Variants in FCAR observed in about 807,000 individuals in gnomAD.
FCAR encodes the protein immunoglobulin alpha Fc receptor.
FCAR carries 21 observed loss-of-function variants against 27.1 expected under a neutral mutation model. The observed-to-expected ratio is 0.77, with a 90% confidence interval of 0.55 to 1.11. The LOEUF is 1.11. FCAR is among the 50% of genes most tolerant of loss of function. The pLI is 0.00. For synonymous variants in FCAR, 134 were observed against 135.8 expected, an observed-to-expected ratio of 0.99 and a Z score of 0.09; for missense variants, 404 against 358.4, an observed-to-expected ratio of 1.13 and a Z score of -1.03.
In FCAR at chr19:54,889,964, C is replaced by CTT. The variant is rs374427185; in HGVS notation, c.*114_*115dup. ...AAGCTCACTAAGAAGCTTGAATCTA[C>CTT]TTTTTTTTTTTTTTGAGACAGAGTC... On this transcript the variant is annotated 3_prime_UTR_variant, in exon 5 of 5. Coordinates refer to ENST00000355524, the MANE Select transcript of FCAR (RefSeq NM_002000.4). 836 of 693,912 alleles carry CTT rather than the reference C, an allele frequency of 1.2e-3. No homozygotes were observed. The highest frequency in any genetic ancestry group is 1.5e-3 in the Non-Finnish European group (640 of 428,568). The allele number at this position is 693,912 out of a possible 1,614,324, so 43.0% of individuals were successfully genotyped here.
intron 2 of FCAR, among the ~76,000 whole-genome samples, chr19:54,876,682 A>G (rs587644126): frequency 0.034 from 5,154 of 152,102 alleles, 100 homozygotes; most frequent in Middle Eastern, 0.078. Flanking sequence ...CACTTTGGGA[A>G]GCCAAGGCTT....
In FCAR at chr19:54,874,267, G is replaced by C. The variant is rs774493601; in HGVS notation, c.-23G>C. On this transcript the variant is annotated 5_prime_UTR_variant, in exon 1 of 5. Transcript: ENST00000355524. ...TAATGTGCATTGAAAGGAGAGCAAC[G>C]GGGCTGAGGCCGTGTCAGCACGATG... is the stretch of plus-strand genomic sequence containing the variant. 1.5e-5 allele frequency: 25 copies of C among 1,613,792 alleles called. No individual in the cohort carries two copies. Among genetic ancestry groups the C allele is most frequent in the East Asian group, 2.2e-5 (1 of 44,872 alleles).
chr19:54,886,099 T>A (rs2145914717), intron 3 of FCAR, among the ~76,000 whole-genome samples: 1 of 151,100 alleles, frequency 6.6e-6, no homozygotes, highest in East Asian at 2.0e-4. Flanking sequence ...ATGGAAAAAA[T>A]TGGCCAGGCC....
chr19:54,881,871 A>T (rs995823394), intron 2 of FCAR, among the ~76,000 whole-genome samples: 1 of 143,758 alleles, frequency 7.0e-6, no homozygotes. Flanking sequence ...ACAGAGCGAG[A>T]CTCCGTCTCA....
rs57952503 is a variant in FCAR, at chr19:54,878,874, CTTTT to C, written c.70+3528_70+3531del. Among the ~76,000 whole-genome samples the C allele has an allele frequency of 1.4e-3, 104 of 76,092 alleles. 1 individual carries two copies. Among genetic ancestry groups the C allele is most frequent in the South Asian group, 0.011 (29 of 2,574 alleles). The allele number at this position is 76,092 out of a possible 152,430, so 49.9% of individuals were successfully genotyped here. On this transcript the variant is annotated intron_variant, in intron 2 of 4. Transcript: ENST00000355524. ...ATAGGCAGCATAATGTTGAGTCTTG[CTTTT>C]TTTTTTTTTTTTTTTTTTGAGATGG...
chr19:54,882,542 G>A (rs1350892210), intron 2 of FCAR, among the ~76,000 whole-genome samples: 1 of 151,578 alleles, frequency 6.6e-6, no homozygotes, highest in East Asian at 1.9e-4. Flanking sequence ...GGGTTCAAGC[G>A]ATTCTCCTGT....
chr19:54,876,592 G>T (rs2066101123), intron 2 of FCAR, among the ~76,000 whole-genome samples: 1 of 152,054 alleles, frequency 6.6e-6, no homozygotes, highest in Admixed American at 6.6e-5. Flanking sequence ...TGTGGGGAGG[G>T]TTGTTCTATT....
rs776971511 is a variant in FCAR, at chr19:54,875,316, T to A, written c.35-14T>A. ...AAATGGAAGCTTGATTTTTCATAAATCTCTCTCTTCCAGTGCTCTGTCTGG... is the reference window on the plus strand; with the variant it reads ...AAATGGAAGCTTGATTTTTCATAAAACTCTCTCTTCCAGTGCTCTGTCTGG... On this transcript the variant is annotated splice_polypyrimidine_tract_variant and intron_variant, in intron 1 of 4. Transcript: ENST00000355524. The A allele has an allele frequency of 1.5e-5, 24 of 1,612,212 alleles. No homozygotes were observed. The Admixed American group carries it at 4.0e-4, about 27-fold the overall frequency.
intron 4 of FCAR, 57 bp downstream of exon 4, chr19:54,888,351 C>A (rs763459285): frequency 6.3e-7 from 1 of 1,592,304 alleles, no homozygotes. Flanking sequence ...GCCTTGCCAC[C>A]GGGCAGGAAT....
At chr19:54,886,704 A>G (rs1301147914) in intron 3 of FCAR, among the ~76,000 whole-genome samples, 1 of 151,974 alleles carries the variant, frequency 6.6e-6, no homozygotes, top group African/African-American at 2.4e-5. Context: ...GGTGTCATGT[A>G]TCTTTAGGTT....
intron 2 of FCAR, chr19:54,880,701 A>AT (rs2066361549): frequency 6.6e-6 from 1 of 150,720 alleles, no homozygotes; most frequent in Non-Finnish European, 1.5e-5. Flanking sequence ...TGCAATTTGA[A>AT]TTTTTTTCTT....
At chr19:54,876,422 A>G (rs587722801) in intron 2 of FCAR, among the ~76,000 whole-genome samples, 3 of 152,284 alleles carry the variant, frequency 2.0e-5, no homozygotes, top group Non-Finnish European at 4.4e-5. Context: ...CAAGGGGAAT[A>G]CTTCCAGCTT....
chr19:54,879,665 T>C (rs587737428), intron 2 of FCAR, among the ~76,000 whole-genome samples: 3 of 137,208 alleles, frequency 2.2e-5, no homozygotes, highest in Middle Eastern at 3.6e-3. Context: ...TCTTTTTTGC[T>C]GCCTTTTCAC....
At chr19:54,888,836 C>T in intron 4 of FCAR, 9 of 990,042 alleles carry the variant, frequency 9.1e-6, no homozygotes, top group South Asian at 4.6e-5. Context: ...AGGATTCCAC[C>T]TTGTTCTGGT....
intron 2 of FCAR, among the ~76,000 whole-genome samples, chr19:54,879,785 G>A (rs2066308636): frequency 6.6e-6 from 1 of 151,130 alleles, no homozygotes; most frequent in South Asian, 2.1e-4. Flanking sequence ...CCGGATTCAC[G>A]CCATTCTCCT....
intron 2 of FCAR, among the ~76,000 whole-genome samples, chr19:54,878,858 A>T (rs1165976145): frequency 7.1e-6 from 1 of 140,066 alleles, no homozygotes; most frequent in Non-Finnish European, 1.5e-5. Flanking sequence ...TATAGGCAGC[A>T]TAATGTTGAG....
chr19:54,886,834 C>T (rs79421635), intron 3 of FCAR, among the ~76,000 whole-genome samples: 7 of 152,326 alleles, frequency 4.6e-5, no homozygotes, highest in African/African-American at 1.7e-4. Flanking sequence ...CGATGTTTTG[C>T]TCATGACTAG....
chr19:54,878,144 C>G (rs867477035), intron 2 of FCAR, among the ~76,000 whole-genome samples: 4 of 152,170 alleles, frequency 2.6e-5, no homozygotes, highest in Non-Finnish European at 5.9e-5. Context: ...GTCTCGATCT[C>G]CTGACCTCAT....
intron 2 of FCAR, among the ~76,000 whole-genome samples, chr19:54,882,423 C>CTT (rs1201630458): frequency 1.4e-5 from 1 of 69,548 alleles, no homozygotes; most frequent in African/African-American, 3.5e-5. Context: ...TGTGTTGATT[C>CTT]TTTTTTTTTT....
Sources: allele counts gnomAD v4.1 joint callset (sites outside exome capture counted in the v4.1 genomes callset), GRCh38; gene constraint gnomAD v4.1.1; transcripts MANE v1.5; gene names NCBI Gene and HGNC (gene_info 2026-07-23, HGNC 2026-07-21).